The following PDE8B variants were observed in gnomAD, a reference collection of about 807,000 sequenced individuals.
PDE8B encodes the protein high affinity cAMP-specific and IBMX-insensitive 3',5'-cyclic phosphodiesterase 8B.
A neutral mutation model predicts 101.3 loss-of-function variants in PDE8B; 26 were observed. The ratio of observed to expected loss-of-function variants is 0.26; its 90% confidence interval spans 0.19 to 0.36. The LOEUF (loss-of-function observed/expected upper bound fraction) is 0.36, where lower values mean the gene tolerates loss of function less well. PDE8B is among the 10% of genes least tolerant of loss of function. PDE8B has a pLI of 1.00. For missense variants in PDE8B, 810 were observed against 1,163.1 expected (o/e 0.70, Z 4.42); for synonymous variants, 424 against 429.3 (o/e 0.99, Z 0.15).
At chr5:77,356,622 G>C (rs1782153811) in intron 10 of PDE8B, among the ~76,000 whole-genome samples, 1 of 152,040 alleles carries the variant, frequency 6.6e-6, no homozygotes, top group South Asian at 2.1e-4. Context: ...TGGAGATAGG[G>C]TTTCACCATG....
chr5:77,283,858 G>A (rs1246217324), intron 1 of PDE8B, among the ~76,000 whole-genome samples: 2 of 152,172 alleles, frequency 1.3e-5, no homozygotes, highest in African/African-American at 4.8e-5. Flanking sequence ...ATCAAGGAAT[G>A]CAATTTGCTG....
intron 1 of PDE8B, among the ~76,000 whole-genome samples, chr5:77,303,667 G>A (rs192158427): frequency 1.3e-3 from 202 of 152,296 alleles, no homozygotes; most frequent in African/African-American, 4.7e-3. Context: ...CCCTCCACCA[G>A]CAGGACCACT....
the PDE8B span, among the ~76,000 whole-genome samples, chr5:77,131,777 G>A: frequency 6.6e-6 from 1 of 152,104 alleles, no homozygotes; most frequent in South Asian, 2.1e-4. Flanking sequence ...CTTAACAAAA[G>A]GCTTTTTTTG....
intron 11 of PDE8B, among the ~76,000 whole-genome samples, chr5:77,402,634 GTAAT>G (rs1320602255): frequency 1.3e-5 from 2 of 152,206 alleles, no homozygotes; most frequent in Non-Finnish European, 2.9e-5. Flanking sequence ...ATGAACGGAT[GTAAT>G]TAATAGCCCC....
At chr5:77,411,336 T>A (rs1176968424) in intron 14 of PDE8B, among the ~76,000 whole-genome samples, 1 of 152,168 alleles carries the variant, frequency 6.6e-6, no homozygotes, top group Admixed American at 6.5e-5. Flanking sequence ...CCCGTCAAGA[T>A]CTGAAGCAAG....
chr5:77,422,106 C>A, intron 20 of PDE8B, 118 bp downstream of exon 20: 1 of 1,136,090 alleles, frequency 8.8e-7, no homozygotes, highest in Non-Finnish European at 1.3e-6. Context: ...CCACTCCTCC[C>A]TGGAAGAAAG....
At chr5:77,425,620 G>C in intron 20 of PDE8B, 147 bp from the exon 21 acceptor site, 1 of 780,540 alleles carries the variant, frequency 1.3e-6, no homozygotes, top group Non-Finnish European at 2.2e-6. Context: ...GCTGACTTAC[G>C]TAAGTCTGAG....
At chr5:77,295,115 G>C (rs1768233442) in intron 1 of PDE8B, among the ~76,000 whole-genome samples, 1 of 152,064 alleles carries the variant, frequency 6.6e-6, no homozygotes, top group African/African-American at 2.4e-5. Context: ...AATCAGATTG[G>C]CATCAGAACC....
intron 1 of PDE8B, among the ~76,000 whole-genome samples, chr5:77,292,039 G>A (rs1273312621): frequency 6.7e-6 from 1 of 149,734 alleles, no homozygotes; most frequent in African/African-American, 2.5e-5. Flanking sequence ...AACATTGGCA[G>A]CTTTAGTTCT....
At chr5:77,102,010 AATTTT>A in the PDE8B span, among the ~76,000 whole-genome samples, 7 of 152,110 alleles carry the variant, frequency 4.6e-5, no homozygotes, top group Non-Finnish European at 2.9e-5. Flanking sequence ...TAAAAAGGTA[AATTTT>A]ATTTTATGTG....
At chr5:77,353,781 A>G (rs1175188514) in intron 10 of PDE8B, among the ~76,000 whole-genome samples, 1 of 152,160 alleles carries the variant, frequency 6.6e-6, no homozygotes, top group Non-Finnish European at 1.5e-5. Flanking sequence ...AAAAACAAGA[A>G]TCATTCCAAA....
rs1298045197 is a variant in PDE8B at position 77,426,878 on chromosome 5, TG to T, written c.*325del. 1 of 357,084 alleles carries T rather than the reference TG, an allele frequency of 2.8e-6. No homozygotes were observed. The highest frequency in any genetic ancestry group is 5.4e-6 in the Non-Finnish European group (1 of 186,388). 22.1% of individuals were successfully genotyped at this position (357,084 alleles called of 1,614,324 possible). On this transcript the variant is annotated 3_prime_UTR_variant, in exon 22 of 22. Transcript: ENST00000264917. ...CAGGCCACAGGAAGCAAAGCCTTGG[TG>T]CCTGTGAGCTCATCTCCCAGGATGG...
chr5:77,273,924 G>A (rs1039239288), intron 1 of PDE8B, among the ~76,000 whole-genome samples: 1 of 151,864 alleles, frequency 6.6e-6, no homozygotes, highest in South Asian at 2.1e-4. Context: ...TTGAGTTCAA[G>A]CAATTCTCCT....
intron 7 of PDE8B, 72 bp from the exon 8 acceptor site, chr5:77,349,347 C>G: frequency 6.3e-7 from 1 of 1,589,870 alleles, no homozygotes; most frequent in Non-Finnish European, 8.6e-7. Flanking sequence ...AGTCTTCCTA[C>G]GGGGCACACA....
At chr5:77,202,085 C>T in the PDE8B span, among the ~76,000 whole-genome samples, 1 of 152,168 alleles carries the variant, frequency 6.6e-6, no homozygotes, top group Non-Finnish European at 1.5e-5. Context: ...ACCTTAGTGA[C>T]CTCCTAAAAG....
chr5:77,238,541 T>C (rs1445319435), intron 1 of PDE8B, among the ~76,000 whole-genome samples: 1 of 152,234 alleles, frequency 6.6e-6, no homozygotes, highest in African/African-American at 2.4e-5. Flanking sequence ...TTCCAGCATC[T>C]TTGTCATTTT....
At chr5:77,243,515 C>G (rs1333069167) in intron 1 of PDE8B, among the ~76,000 whole-genome samples, 1 of 152,154 alleles carries the variant, frequency 6.6e-6, no homozygotes, top group Admixed American at 6.5e-5. Context: ...TGAGCCTGCT[C>G]CCACTCCCAG....
At chr5:77,129,058 T>G in the PDE8B span, among the ~76,000 whole-genome samples, 1 of 152,208 alleles carries the variant, frequency 6.6e-6, no homozygotes, top group African/African-American at 2.4e-5. Context: ...GATAGTTTAT[T>G]TCTCTGTTCA....
At chr5:77,302,383 T>C (rs1392673485) in intron 1 of PDE8B, among the ~76,000 whole-genome samples, 2 of 152,124 alleles carry the variant, frequency 1.3e-5, no homozygotes, top group South Asian at 2.1e-4. Context: ...GGAGAGGGCA[T>C]GGGTAGGGGG....
Sources: allele counts gnomAD v4.1 joint callset (sites outside exome capture counted in the v4.1 genomes callset), GRCh38; gene constraint gnomAD v4.1.1; transcripts MANE v1.5; gene names NCBI Gene and HGNC (gene_info 2026-07-23, HGNC 2026-07-21).